DST: variants seen among roughly 807,000 people sequenced by gnomAD.
DST encodes dystonin, also known as bullous pemphigoid antigen.
A neutral mutation model predicts 875.2 loss-of-function variants in DST; 253 were observed. That is an observed-to-expected ratio of 0.29 (90% CI 0.26 to 0.32). DST has a LOEUF of 0.32. DST is among the 10% of genes least tolerant of loss of function. DST has a pLI of 1.00. For synonymous variants in DST, 3,124 were observed against 3,197.1 expected, an observed-to-expected ratio of 0.98 and a Z score of 0.77; for missense variants, 8,287 against 9,111.6, an observed-to-expected ratio of 0.91 and a Z score of 3.68.
chr6:56,647,512 C>A (rs2098950328), intron 13 of DST, among the ~76,000 whole-genome samples: 1 of 152,156 alleles, frequency 6.6e-6, no homozygotes, highest in South Asian at 2.1e-4. Flanking sequence ...TTTTTCTATC[C>A]CAGTTTGATC....
intron 3 of DST, among the ~76,000 whole-genome samples, chr6:56,870,283 T>C (rs1196834196): frequency 6.6e-6 from 1 of 151,580 alleles, no homozygotes; most frequent in Admixed American, 6.6e-5. Context: ...GGTAAGGAAA[T>C]AGCCAATCAT....
intron 4 of DST, among the ~76,000 whole-genome samples, chr6:56,811,739 C>G (rs777624634): frequency 6.6e-6 from 1 of 152,092 alleles, no homozygotes; most frequent in African/African-American, 2.4e-5. Flanking sequence ...ACTTTGAAAA[C>G]AAGAGAAAGC....
Position 56,536,794 on chromosome 6 carries a change from C to G in DST, c.16755G>C (p.Lys5585Asn), listed in dbSNP as rs1424542919. ...HDLDDVNARWKTLNKKVAQRA... is the reference protein window; with the variant it reads ...HDLDDVNARWNTLNKKVAQRA... ...AGAAAATTACCTTCTTATTGAGAGT[C>G]TTCCACCGTGCATTGACATCATCCA... Residue 5585 changes from lysine to asparagine, a missense_variant, in exon 62 of 104, where the codon AAG (lysine) becomes AAC (asparagine). Lys to Asn is a moderately conservative substitution (Grantham distance 94, BLOSUM62 0). Coordinates refer to ENST00000680361, the MANE Select transcript of DST (RefSeq NM_001374736.1). The G allele has an allele frequency of 6.3e-7, 1 of 1,576,894 alleles. No homozygotes were observed. The highest frequency in any genetic ancestry group is 1.4e-5 in the African/African-American group (1 of 73,666).
intron 5 of DST, among the ~76,000 whole-genome samples, chr6:56,724,290 A>G (rs1242478111): frequency 3.9e-5 from 6 of 152,230 alleles, no homozygotes. Flanking sequence ...AATCATTTCT[A>G]CTTTTAGAAT....
chr6:56,905,578 T>C (rs1298426336), intron 2 of DST, among the ~76,000 whole-genome samples: 2 of 152,196 alleles, frequency 1.3e-5, no homozygotes, highest in South Asian at 2.1e-4. Flanking sequence ...CTGTTGCATA[T>C]GCCAGGATTT....
In DST at chr6:56,567,429, TA is replaced by T. The variant is rs61119609; in HGVS notation, c.14005+1039del. On this transcript the variant is annotated intron_variant, in intron 55 of 103. Coordinates refer to ENST00000680361, the MANE Select transcript of DST (RefSeq NM_001374736.1). ...TACCATGCTTGGTAGTTACCAAGAG[TA>T]AAAAAAAAAAAAAAAAAATCCCAAA... Among the ~76,000 whole-genome samples the T allele has an allele frequency of 3.2e-3, 340 of 104,836 alleles. 1 individual carries two copies. Among genetic ancestry groups the T allele is most frequent in the Middle Eastern group, 0.015 (3 of 200 alleles). The allele number at this position is 104,836 out of a possible 152,430, so 68.8% of individuals were successfully genotyped here. A position where few individuals can be genotyped will look rare whatever the true frequency, so the allele number is the denominator to read the frequency against.
In DST at chr6:56,716,846, G is replaced by T. The variant is rs141554099; in HGVS notation, c.688-12477C>A. On this transcript the variant is annotated intron_variant, in intron 5 of 103. Coordinates refer to ENST00000680361, the MANE Select transcript of DST (RefSeq NM_001374736.1). The stretch of plus-strand genomic sequence containing the variant: ...AGGGTGGTGGGGATGGTTTCAGGAT[G>T]AAACTTTCACCTCAGATCATCAGGT... Among the ~76,000 whole-genome samples the T allele has an allele frequency of 3.7e-3, 571 of 152,272 alleles. 1 individual carries two copies. Among genetic ancestry groups the T allele is most frequent in the Non-Finnish European group, 6.3e-3 (427 of 68,016 alleles).
Position 56,600,065 on chromosome 6 carries a change from C to G in DST, c.11694+4G>C. 1 of 1,609,466 alleles carries G rather than the reference C, an allele frequency of 6.2e-7. No individual in the cohort carries two copies. The highest frequency in any genetic ancestry group is 8.5e-7 in the Non-Finnish European group (1 of 1,177,830). On this transcript the variant is annotated splice_donor_region_variant and intron_variant, in intron 45 of 103. Transcript: ENST00000680361. ...AGATCTGCTGATAGAAAACCAAATT[C>G]TACCTCTTGCTTGGACTGATATTTC...
In DST at chr6:56,620,127, G is replaced by A; in HGVS notation, c.4929+4403C>T. 1 of 1,613,496 alleles carries A rather than the reference G, an allele frequency of 6.2e-7. No homozygotes were observed. Among genetic ancestry groups the A allele is most frequent in the Non-Finnish European group, 8.5e-7 (1 of 1,180,002 alleles). On this transcript the variant is annotated intron_variant, in intron 36 of 103. Coordinates refer to ENST00000680361, the MANE Select transcript of DST (RefSeq NM_001374736.1). ...TCTTTCAACTGTTTCTCTGCTACCT[G>A]TTTCTGAAATGCAAGGTCTTTTTCC...
chr6:56,794,069 A>G (rs1163447791), intron 4 of DST, among the ~76,000 whole-genome samples: 4 of 152,194 alleles, frequency 2.6e-5, no homozygotes. Flanking sequence ...TTGCAACAGA[A>G]GAGTTTAAAT....
rs567849435 is a variant in DST, at chr6:56,645,938, A to G, written c.1706T>C (p.Ile569Thr). ...AATGAGTTTCCCCCACTCTTTTTCT[A>G]TGTCATTTGGATGATAACCTTGAAG... is the stretch of plus-strand genomic sequence containing the variant. ...KLLQGYHPNDIEKEWGKLIIA... is the reference protein window; with the variant it reads ...KLLQGYHPNDTEKEWGKLIIA... The change falls in exon 15 of 104, where the codon ATA (isoleucine) becomes ACA (threonine). Residue 569 changes from isoleucine to threonine, a missense_variant. Around this residue, in one of 10 missense-constraint regions of DST, gnomAD observed 1,160 missense variants for 1,424.3 expected, o/e 0.81. Coordinates refer to ENST00000680361, the MANE Select transcript of DST (RefSeq NM_001374736.1). 28 of 1,613,784 alleles carry G rather than the reference A, an allele frequency of 1.7e-5. No individual in the cohort carries two copies. In the African/African-American group the frequency reaches 2.3e-4, roughly 13 times the overall value.
chr6:56,669,958 T>C (rs2099091735), intron 10 of DST, among the ~76,000 whole-genome samples: 1 of 152,206 alleles, frequency 6.6e-6, no homozygotes, highest in Admixed American at 6.5e-5. Flanking sequence ...TTAAGCCCAC[T>C]CACTAGAGTA....
chr6:56,522,933 C>T (rs574347322), intron 69 of DST, among the ~76,000 whole-genome samples: 86 of 152,222 alleles, frequency 5.6e-4, no homozygotes, highest in Non-Finnish European at 1.2e-3. Context: ...TGCCTTTCTC[C>T]ATTTCCACAA....
chr6:56,485,417 T>C lies in DST; in HGVS notation c.21102A>G (p.Leu7034=), dbSNP rs1176091834. 3.7e-6 allele frequency: 6 copies of C among 1,613,854 alleles called. No individual in the cohort carries two copies. In the African/African-American group the frequency reaches 4.0e-5, roughly 11 times the overall value. The change falls in exon 88 of 104, where the codon CTA becomes CTG. Residue 7034 remains leucine, a synonymous_variant. Coordinates refer to ENST00000680361, the MANE Select transcript of DST (RefSeq NM_001374736.1). ...LLFSGQFTDA[L]QALIDWLYRV... ...TATATAACCAATCAATGAGAGCCTGTAGGGCATCTGTGAATTGTCCAGAAA... is the reference window on the plus strand; with the variant it reads ...TATATAACCAATCAATGAGAGCCTGCAGGGCATCTGTGAATTGTCCAGAAA...
intron 9 of DST, among the ~76,000 whole-genome samples, chr6:56,673,093 A>T (rs1272430695): frequency 6.7e-6 from 1 of 149,512 alleles, no homozygotes; most frequent in Non-Finnish European, 1.5e-5. Flanking sequence ...TGTCTCTATT[A>T]AAAAAAAAAT....
intron 7 of DST, 98 bp from the exon 8 acceptor site, chr6:56,702,063 G>C: frequency 2.8e-6 from 2 of 707,108 alleles, no homozygotes; most frequent in Non-Finnish European, 4.8e-6. Context: ...TATCAAAACA[G>C]TATTTACCGT....
rs371174816 is a variant in DST, at chr6:56,630,875, C to T, written c.4142+336G>A. On this transcript the variant is annotated intron_variant, in intron 30 of 103. Transcript: ENST00000680361. ...TCGGCTCACTGCAACCTCCACCTCCCGGGTTCAAGTGATTCTCCTGCCTCA... is the reference window on the plus strand; with the variant it reads ...TCGGCTCACTGCAACCTCCACCTCCTGGGTTCAAGTGATTCTCCTGCCTCA... Among the ~76,000 whole-genome samples, 72 of 151,926 alleles carry T rather than the reference C, an allele frequency of 4.7e-4. 1 individual carries two copies. Among genetic ancestry groups the T allele is most frequent in the African/African-American group, 1.7e-3 (69 of 41,498 alleles).
At position 56,633,858 on chromosome 6, in the gene DST, C is replaced by T. The variant is rs780942550; in HGVS notation, c.3621+274G>A. Reference sequence around the variant, plus strand: ...CAAGTCTACGAAACTCAAATGAAATCAACTGTACCCATCATCGTATATCCA... The same window carrying T: ...CAAGTCTACGAAACTCAAATGAAATTAACTGTACCCATCATCGTATATCCA... On this transcript the variant is annotated intron_variant, in intron 27 of 103. Coordinates refer to ENST00000680361, the MANE Select transcript of DST (RefSeq NM_001374736.1). Among the ~76,000 whole-genome samples, 42 of 152,198 alleles carry T rather than the reference C, an allele frequency of 2.8e-4. 1 individual carries two copies. Among genetic ancestry groups the T allele is most frequent in the Non-Finnish European group, 5.1e-4 (35 of 68,026 alleles).
At chr6:56,807,481 C>T (rs1187655221) in intron 4 of DST, among the ~76,000 whole-genome samples, 1 of 152,178 alleles carries the variant, frequency 6.6e-6, no homozygotes, top group Non-Finnish European at 1.5e-5. Context: ...ACTCACATTA[C>T]CTGATTGCAA....
Sources: gnomAD v4.1 joint callset for allele counts (sites outside exome capture counted in the v4.1 genomes callset) on GRCh38, gnomAD v4.1.1 for gene constraint, gnomAD v4.1.1 regional missense constraint, MANE v1.5 for transcripts, NCBI Gene and HGNC (gene_info 2026-07-23, HGNC 2026-07-21) for gene names.